The following NELL2 variants were observed in gnomAD, a reference collection of about 807,000 sequenced individuals.
The protein encoded by NELL2 is protein kinase C-binding protein NELL2.
NELL2 carries 41 observed loss-of-function variants against 109.6 expected under a neutral mutation model. The observed-to-expected ratio is 0.37, with a 90% CI of 0.29 to 0.49. The LOEUF is 0.49. Among genes scored for constraint, NELL2 ranks in the 20% least tolerant of loss-of-function variants. The probability of loss-of-function intolerance (pLI) is 0.98; values close to 1 mark genes in which losing one functional copy is unlikely to be tolerated. For synonymous variants in NELL2, 355 were observed against 344.7 expected (o/e 1.03, Z -0.33); for missense variants, 900 against 1,008.3 (o/e 0.89, Z 1.45).
chr12:44,737,125 C>A (rs145648723), intron 9 of NELL2, among the ~76,000 whole-genome samples: 87 of 151,856 alleles, frequency 5.7e-4, no homozygotes, highest in African/African-American at 2.0e-3. Flanking sequence ...AAAATAAATA[C>A]CACATACTAT....
upstream of NELL2, among the ~76,000 whole-genome samples, chr12:44,878,754 G>A (rs1400546188): frequency 6.6e-6 from 1 of 152,130 alleles, no homozygotes; most frequent in Non-Finnish European, 1.5e-5. Flanking sequence ...CAACTCTTTA[G>A]GTTGTAGTTG....
chr12:44,538,639 A>G (rs1942400646), intron 15 of NELL2, among the ~76,000 whole-genome samples: 1 of 152,332 alleles, frequency 6.6e-6, no homozygotes, highest in South Asian at 2.1e-4. Flanking sequence ...GTAAGACTAG[A>G]GGCCATCTCA....
At chr12:44,764,812 T>C (rs1311165997) in intron 9 of NELL2, among the ~76,000 whole-genome samples, 1 of 151,130 alleles carries the variant, frequency 6.6e-6, no homozygotes, top group Non-Finnish European at 1.5e-5. Context: ...CTAAAACATA[T>C]CCTGACATCT....
At chr12:44,557,290 A>G (rs1592114058) in intron 15 of NELL2, among the ~76,000 whole-genome samples, 1 of 152,202 alleles carries the variant, frequency 6.6e-6, no homozygotes, top group South Asian at 2.1e-4. Flanking sequence ...ACTATCTATG[A>G]TAACATTACT....
At position 44,555,768 on chromosome 12, in the gene NELL2, C is replaced by T. The variant is rs575089939; in HGVS notation, c.1664-23047G>A. ...TGACATGACTGAGTTTCTGAAAAGG[C>T]CATCTAAGCAGGAGACAAATCTAGC... On this transcript the variant is annotated intron_variant, in intron 15 of 19. Coordinates refer to ENST00000429094, the MANE Select transcript of NELL2 (RefSeq NM_001145108.2). Among the ~76,000 whole-genome samples, 7 of 152,286 alleles carry T rather than the reference C, an allele frequency of 4.6e-5. No homozygotes were observed. The South Asian group carries it at 1.0e-3, about 23-fold the overall frequency.
intron 2 of NELL2, among the ~76,000 whole-genome samples, chr12:44,848,325 A>G (rs1386799907): frequency 6.6e-6 from 1 of 151,982 alleles, no homozygotes; most frequent in Admixed American, 6.6e-5. Context: ...TTAGCACCAG[A>G]CTCCCCAGGG....
Position 44,913,731 on chromosome 12 carries a change from C to T in NELL2, c.38+68G>A, listed in dbSNP as rs1945803824. 1.3e-5 allele frequency: 8 copies of T among 601,900 alleles called. No homozygotes were observed. The South Asian group carries it at 1.3e-4, about 10-fold the overall frequency. The allele number at this position is 601,900 out of a possible 1,614,324, so 37.3% of individuals were successfully genotyped here. On this transcript the variant is annotated intron_variant, in intron 1 of 20. Transcript: ENST00000333837. Reference sequence around the variant, plus strand: ...GTTTGAAAATTCAGGTCACTATACCCTCCTTAAAGAATTTTTAAAATGGTG... The same window carrying T: ...GTTTGAAAATTCAGGTCACTATACCTTCCTTAAAGAATTTTTAAAATGGTG...
At chr12:44,802,427 T>C (rs1454685179) in intron 3 of NELL2, among the ~76,000 whole-genome samples, 2 of 151,976 alleles carry the variant, frequency 1.3e-5, no homozygotes, top group Admixed American at 1.3e-4. Context: ...TTTAGCAAAA[T>C]ATACCTCTAA....
intron 2 of NELL2, among the ~76,000 whole-genome samples, chr12:44,864,215 T>A (rs1944922886): frequency 6.6e-6 from 1 of 152,148 alleles, no homozygotes; most frequent in South Asian, 2.1e-4. Flanking sequence ...TTCTTACCTA[T>A]CAATAGTTAC....
At chr12:44,738,893 T>C (rs1939791513) in intron 9 of NELL2, among the ~76,000 whole-genome samples, 1 of 152,194 alleles carries the variant, frequency 6.6e-6, no homozygotes, top group African/African-American at 2.4e-5. Flanking sequence ...AATGTATACA[T>C]GTATCTATAT....
intron 15 of NELL2, among the ~76,000 whole-genome samples, chr12:44,552,364 CT>C (rs1943074153): frequency 6.6e-6 from 1 of 152,056 alleles, no homozygotes; most frequent in Non-Finnish European, 1.5e-5. Flanking sequence ...CTATAATCAT[CT>C]TTTAGAAGGG....
intron 15 of NELL2, among the ~76,000 whole-genome samples, chr12:44,598,883 A>ACACACACACACACACACTCT (rs1265603008): frequency 6.9e-6 from 1 of 143,940 alleles, no homozygotes; most frequent in African/African-American, 2.6e-5. Flanking sequence ...ACACACACAC[A>ACACACACACACACACACTCT]CTCTCTCTCT....
chr12:44,910,782 A>G (rs117887339), intron 1 of NELL2, among the ~76,000 whole-genome samples: 1,605 of 152,190 alleles, frequency 0.011, 31 homozygotes, highest in East Asian at 0.048. Flanking sequence ...AGCCATGAAA[A>G]GAACAAGACC....
intron 13 of NELL2, among the ~76,000 whole-genome samples, chr12:44,613,649 T>C (rs1175779472): frequency 1.3e-5 from 2 of 152,120 alleles, no homozygotes; most frequent in African/African-American, 4.8e-5. Flanking sequence ...ATAAAGTTGG[T>C]TATAGCTACA....
chr12:44,867,687 T>C (rs552453908), intron 2 of NELL2, among the ~76,000 whole-genome samples: 2 of 152,282 alleles, frequency 1.3e-5, no homozygotes, highest in African/African-American at 4.8e-5. Context: ...GGTTAACTTA[T>C]CCCTGCTTGC....
At chr12:44,625,210 T>C (rs1312687400) in intron 13 of NELL2, among the ~76,000 whole-genome samples, 2 of 151,872 alleles carry the variant, frequency 1.3e-5, no homozygotes, top group African/African-American at 2.4e-5. Flanking sequence ...TCCTTTATCA[T>C]GGTATTGAAC....
intron 9 of NELL2, among the ~76,000 whole-genome samples, chr12:44,719,335 A>G (rs1938648966): frequency 6.6e-6 from 1 of 152,216 alleles, no homozygotes; most frequent in Non-Finnish European, 1.5e-5. Flanking sequence ...TGGCAACTGC[A>G]GTTTCCTCTA....
rs1940849918 is a variant in NELL2 at position 44,508,911 on chromosome 12, A to T, written c.*23T>A. On this transcript the variant is annotated 3_prime_UTR_variant, in exon 20 of 20. Coordinates refer to ENST00000429094, the MANE Select transcript of NELL2 (RefSeq NM_001145108.2). ...AATGAAAGAACATTCTTTTAACAGAAATCTCCCATGAGACAGTTAACTTCA... is the reference window on the plus strand; with the variant it reads ...AATGAAAGAACATTCTTTTAACAGATATCTCCCATGAGACAGTTAACTTCA... 6.3e-7 allele frequency: 1 copy of T among 1,597,998 alleles called. No individual in the cohort carries two copies. Among genetic ancestry groups the T allele is most frequent in the African/African-American group, 1.3e-5 (1 of 74,290 alleles).
chr12:44,736,081 A>T (rs1198208951), intron 9 of NELL2, among the ~76,000 whole-genome samples: 3 of 133,340 alleles, frequency 2.2e-5, no homozygotes, highest in Non-Finnish European at 4.6e-5. Flanking sequence ...CGCGATCTTG[A>T]CTCACTGCAA....
Sources: gnomAD v4.1 joint callset for allele counts (sites outside exome capture counted in the v4.1 genomes callset) on GRCh38, gnomAD v4.1.1 for gene constraint, MANE v1.5 for transcripts, NCBI Gene and HGNC (gene_info 2026-07-23, HGNC 2026-07-21) for gene names.